Variants in PAMR1 observed in about 807,000 individuals in gnomAD.
PAMR1 encodes the protein inactive serine protease PAMR1.
Under a neutral mutation model 81.8 loss-of-function variants are expected in PAMR1, and 88 were observed. The observed-to-expected ratio is 1.08, with a 90% confidence interval of 0.91 to 1.28. The LOEUF (loss-of-function observed/expected upper bound fraction) is 1.28, where lower values mean the gene tolerates loss of function less well. Ranked by LOEUF, PAMR1 falls within the 50% of genes most tolerant of loss-of-function variation. The probability of loss-of-function intolerance (pLI) is 0.00; values close to 1 mark genes in which losing one functional copy is unlikely to be tolerated. For synonymous variants in PAMR1, 336 were observed against 345.3 expected (o/e 0.97, Z 0.30); for missense variants, 935 against 919.7 (o/e 1.02, Z -0.21).
chr11:35,490,267 T>G (rs1415555515), intron 3 of PAMR1, among the ~76,000 whole-genome samples: 1 of 152,150 alleles, frequency 6.6e-6, no homozygotes, highest in Non-Finnish European at 1.5e-5. Context: ...AAGCTGAGAT[T>G]TGGGTGGGGA....
At chr11:35,440,878 C>A (rs1371700463) in intron 7 of PAMR1, among the ~76,000 whole-genome samples, 1 of 152,204 alleles carries the variant, frequency 6.6e-6, no homozygotes, top group Non-Finnish European at 1.5e-5. Context: ...CAAATCCTCT[C>A]CAGCTTTCCA....
chr11:35,447,424 C>A (rs1025500507), intron 6 of PAMR1, among the ~76,000 whole-genome samples: 1 of 152,004 alleles, frequency 6.6e-6, no homozygotes, highest in Admixed American at 6.6e-5. Flanking sequence ...CAGGATGGCT[C>A]GATCTCCTGA....
chr11:35,481,450 T>C (rs1335799983), intron 3 of PAMR1, among the ~76,000 whole-genome samples: 2 of 152,252 alleles, frequency 1.3e-5, no homozygotes, highest in Non-Finnish European at 1.5e-5. Flanking sequence ...ATTTCTCTAA[T>C]AATCAGTGAT....
At chr11:35,504,323 G>A (rs1435040757) in intron 1 of PAMR1, among the ~76,000 whole-genome samples, 2 of 151,968 alleles carry the variant, frequency 1.3e-5, no homozygotes, top group African/African-American at 2.4e-5. Flanking sequence ...AGTGATATTC[G>A]CCTCTAGTTA....
chr11:35,437,911 C>T (rs1047125182), intron 8 of PAMR1, among the ~76,000 whole-genome samples: 10 of 151,990 alleles, frequency 6.6e-5, no homozygotes, highest in African/African-American at 2.2e-4. Flanking sequence ...ATGCCTTGCC[C>T]CTGAAAGGAA....
chr11:35,490,765 T>A (rs922049724), intron 3 of PAMR1, among the ~76,000 whole-genome samples: 2 of 152,224 alleles, frequency 1.3e-5, no homozygotes, highest in African/African-American at 4.8e-5. Context: ...CACTAAGTGC[T>A]TCACACACAT....
intron 5 of PAMR1, among the ~76,000 whole-genome samples, chr11:35,470,376 T>C (rs1036839294): frequency 2.0e-4 from 30 of 152,252 alleles, no homozygotes; most frequent in African/African-American, 6.8e-4. Context: ...CTCCGTGCTT[T>C]AGCCACTGCC....
At chr11:35,496,497 C>A (rs114457570) in intron 1 of PAMR1, among the ~76,000 whole-genome samples, 2,454 of 152,204 alleles carry the variant, frequency 0.016, 64 homozygotes, top group African/African-American at 0.057. Context: ...AAACGGCCAA[C>A]AAGCACACAA....
intron 1 of PAMR1, among the ~76,000 whole-genome samples, chr11:35,501,930 G>A (rs1850854150): frequency 6.6e-6 from 1 of 151,988 alleles, no homozygotes; most frequent in Non-Finnish European, 1.5e-5. Context: ...ATTTCCTTTT[G>A]GATATATTCC....
chr11:35,448,332 T>A (rs989827353), intron 6 of PAMR1, among the ~76,000 whole-genome samples: 2 of 152,118 alleles, frequency 1.3e-5, no homozygotes, highest in Non-Finnish European at 2.9e-5. Context: ...GTTTGGTTCA[T>A]TCCTTTTCAT....
intron 6 of PAMR1, among the ~76,000 whole-genome samples, chr11:35,460,529 A>T (rs1387633263): frequency 6.6e-6 from 1 of 151,734 alleles, no homozygotes; most frequent in Non-Finnish European, 1.5e-5. Context: ...CCTGTGTCCA[A>T]GTGTTCTCAT....
chr11:35,526,029 CCT>C (rs2135431929), upstream of PAMR1: 2 of 184,114 alleles, frequency 1.1e-5, no homozygotes, highest in Admixed American at 1.1e-4. Flanking sequence ...CTGGCTTTGC[CCT>C]CTCTGACTGC....
At position 35,434,667 on chromosome 11, in the gene PAMR1, C is replaced by T. The variant is rs757673735; in HGVS notation, c.1471G>A (p.Gly491Ser). Residue 491 changes from glycine to serine, a missense_variant, in exon 10 of 11, where the codon GGT becomes AGT. Physicochemically the swap from Gly to Ser is moderately conservative, Grantham distance 56 (BLOSUM62 0). Coordinates refer to ENST00000619888, the MANE Select transcript of PAMR1 (RefSeq NM_001001991.3). ...ACAGTGCGCTCATTCACCAGGGCACCGCTGCAGACTAGGAACCACGCTCCC... is the reference window on the plus strand; with the variant it reads ...ACAGTGCGCTCATTCACCAGGGCACTGCTGCAGACTAGGAACCACGCTCCC... ...HKGAWFLVCS[G>S]ALVNERTVVV... 235 of 1,614,118 alleles carry T rather than the reference C, an allele frequency of 1.5e-4. 5 individuals carry two copies. In the South Asian group the frequency reaches 1.9e-3, roughly 13 times the overall value.
At chr11:35,473,650 G>A (rs772341141) in intron 4 of PAMR1, among the ~76,000 whole-genome samples, 12 of 152,146 alleles carry the variant, frequency 7.9e-5, no homozygotes, top group Non-Finnish European at 1.6e-4. Flanking sequence ...AAGGGGACTT[G>A]TTTTGCTGGA....
intron 6 of PAMR1, among the ~76,000 whole-genome samples, chr11:35,462,059 C>A (rs1440144893): frequency 6.7e-6 from 1 of 149,418 alleles, no homozygotes; most frequent in African/African-American, 2.5e-5. Context: ...TTTCTTCTCC[C>A]TGTCCGTTTA....
intron 8 of PAMR1, among the ~76,000 whole-genome samples, chr11:35,438,409 T>C (rs614084): frequency 0.3 from 45,754 of 152,134 alleles, 7,062 homozygotes; most frequent in Admixed American, 0.4. Context: ...GGGTTGCATA[T>C]AATCCTTGAA....
rs140940228 is a variant in PAMR1, at chr11:35,434,567, A to G, written c.1571T>C (p.Leu524Ser). 1.2e-5 allele frequency: 19 copies of G among 1,613,912 alleles called. No individual in the cohort carries two copies. In the African/African-American group the frequency reaches 2.3e-4, roughly 19 times the overall value. The change falls in exon 10 of 11, where the codon TTG becomes TCG. Residue 524 changes from leucine to serine, a missense_variant. Physicochemically the swap from Leu to Ser is moderately radical, Grantham distance 145. Transcript: ENST00000619888. ...MIKTADLKVV[L>S]GKFYRDDDRD... ...GTCATCATCCCGGTAGAATTTCCCC[A>G]AAACAACTTTCAGGTCTGCTGTCTT...
intron 1 of PAMR1, among the ~76,000 whole-genome samples, chr11:35,521,110 C>T (rs637585): frequency 0.27 from 40,629 of 152,134 alleles, 5,954 homozygotes; most frequent in African/African-American, 0.38. Context: ...AGATATAACA[C>T]CCAGCCCTGT....
intron 6 of PAMR1, among the ~76,000 whole-genome samples, chr11:35,444,741 T>G (rs1856255577): frequency 6.6e-6 from 1 of 152,232 alleles, no homozygotes; most frequent in African/African-American, 2.4e-5. Flanking sequence ...TTTTGGTTAC[T>G]GTAGCCTTGT....
Sources: allele counts gnomAD v4.1 joint callset (sites outside exome capture counted in the v4.1 genomes callset), GRCh38; gene constraint gnomAD v4.1.1; transcripts MANE v1.5; gene names NCBI Gene and HGNC (gene_info 2026-07-23, HGNC 2026-07-21).